ATP8B4: variants seen among roughly 807,000 people sequenced by gnomAD.
ATP8B4 encodes ATPase phospholipid transporting 8B4 (putative), also known as probable phospholipid-transporting ATPase IM.
Under a neutral mutation model 145.6 loss-of-function variants are expected in ATP8B4, and 133 were observed. The observed-to-expected ratio is 0.91, with a 90% CI of 0.79 to 1.05. The LOEUF is 1.05. Among genes scored for constraint, ATP8B4 ranks in the 50% least tolerant of loss-of-function variants. The probability of loss-of-function intolerance (pLI) is 0.00; values close to 1 mark genes in which losing one functional copy is unlikely to be tolerated. For synonymous variants in ATP8B4, 507 were observed against 492.9 expected (o/e 1.03, Z -0.38); for missense variants, 1,458 against 1,425.2 (o/e 1.02, Z -0.37).
intron 2 of ATP8B4, among the ~76,000 whole-genome samples, chr15:50,085,763 T>C (rs2054865677): frequency 6.8e-6 from 1 of 148,008 alleles, no homozygotes; most frequent in Admixed American, 7.0e-5. Flanking sequence ...TGTATATGTA[T>C]ATGCATATGT....
chr15:50,018,785 G>C, intron 6 of ATP8B4: 1 of 542,530 alleles, frequency 1.8e-6, no homozygotes, highest in Non-Finnish European at 2.9e-6. Flanking sequence ...TGTCTTCTCA[G>C]AATCATAATT....
At chr15:49,908,167 G>A in intron 20 of ATP8B4, 2 of 450,242 alleles carry the variant, frequency 4.4e-6, no homozygotes, top group East Asian at 7.0e-5. Context: ...TCCAGGCACT[G>A]TCTCAAAACA....
intron 26 of ATP8B4, among the ~76,000 whole-genome samples, chr15:49,862,607 C>G (rs1185777065): frequency 6.6e-6 from 1 of 152,072 alleles, no homozygotes; most frequent in African/African-American, 2.4e-5. Context: ...CAGGTGCCCG[C>G]CACCACGCCC....
At chr15:50,108,128 C>T (rs1222804842) in intron 1 of ATP8B4, among the ~76,000 whole-genome samples, 2 of 152,032 alleles carry the variant, frequency 1.3e-5, no homozygotes, top group East Asian at 1.9e-4. Flanking sequence ...CCATCAGTAA[C>T]TCCCCTGTTG....
chr15:50,122,612 C>CA (rs2153678103), upstream of ATP8B4, among the ~76,000 whole-genome samples: 1 of 152,284 alleles, frequency 6.6e-6, no homozygotes, highest in South Asian at 2.1e-4. Flanking sequence ...TCCTTGGTGT[C>CA]AGCCTAAACA....
At chr15:49,932,226 AC>A (rs1465918269) in intron 15 of ATP8B4, among the ~76,000 whole-genome samples, 5 of 151,896 alleles carry the variant, frequency 3.3e-5, no homozygotes, top group Admixed American at 2.6e-4. Flanking sequence ...GAAACAAATC[AC>A]CTAAATATCT....
At position 50,047,356 on chromosome 15, in the gene ATP8B4, A is replaced by G. The variant is rs1479876789; in HGVS notation, c.196T>C (p.Leu66=). 12 of 1,548,844 alleles carry G rather than the reference A, an allele frequency of 7.7e-6. 1 individual carries two copies. In the Admixed American group the frequency reaches 2.0e-4, roughly 26 times the overall value. The change falls in exon 4 of 28, where the codon TTA becomes CTA. Residue 66 remains leucine, a synonymous_variant. Transcript: ENST00000284509. ...AAATACAACCTAAATATTACCTGTAAAATCAGAAGGCAAAGAAAATAGGCA... is the reference window on the plus strand; with the variant it reads ...AAATACAACCTAAATATTACCTGTAGAATCAGAAGGCAAAGAAAATAGGCA... ...ANAYFLCLLI[L]QLIPEISSLT...
At chr15:50,072,804 T>C (rs1228284273) in intron 3 of ATP8B4, among the ~76,000 whole-genome samples, 1 of 150,510 alleles carries the variant, frequency 6.6e-6, no homozygotes, top group Non-Finnish European at 1.5e-5. Flanking sequence ...GTATTTTTAA[T>C]AGAGACAGGG....
intron 1 of ATP8B4, among the ~76,000 whole-genome samples, chr15:50,139,370 AG>A (rs2044177168): frequency 2.0e-5 from 3 of 152,068 alleles, no homozygotes; most frequent in South Asian, 4.2e-4. Context: ...CTCACTCATA[AG>A]TGGGAGTTGA....
upstream of ATP8B4, among the ~76,000 whole-genome samples, chr15:50,123,472 G>T (rs544024568): frequency 6.6e-6 from 1 of 152,212 alleles, no homozygotes; most frequent in East Asian, 1.9e-4. Context: ...TATTGCTCCT[G>T]AATGGTTTAC....
At chr15:49,932,985 T>C (rs902928899) in intron 15 of ATP8B4, among the ~76,000 whole-genome samples, 3 of 152,080 alleles carry the variant, frequency 2.0e-5, no homozygotes, top group Non-Finnish European at 4.4e-5. Context: ...GAATTCACAA[T>C]ATCTAGGTGG....
At chr15:50,082,742 G>C (rs928434727) in intron 2 of ATP8B4, among the ~76,000 whole-genome samples, 1 of 152,172 alleles carries the variant, frequency 6.6e-6, no homozygotes, top group African/African-American at 2.4e-5. Context: ...TTATGATAAT[G>C]ATAATAGTAA....
At chr15:50,165,276 C>T (rs1284747368) in intron 1 of ATP8B4, among the ~76,000 whole-genome samples, 1 of 152,150 alleles carries the variant, frequency 6.6e-6, no homozygotes, top group African/African-American at 2.4e-5. Flanking sequence ...TGGTCTCGAA[C>T]TCTTGACCTC....
chr15:50,082,324 C>G (rs573277757), intron 2 of ATP8B4, among the ~76,000 whole-genome samples: 20 of 152,228 alleles, frequency 1.3e-4, no homozygotes, highest in African/African-American at 4.8e-4. Flanking sequence ...TGGTGACCTG[C>G]GGCTTCTGGA....
intron 2 of ATP8B4, among the ~76,000 whole-genome samples, chr15:50,083,754 A>C (rs1380095059): frequency 6.6e-6 from 1 of 152,224 alleles, no homozygotes; most frequent in Non-Finnish European, 1.5e-5. Flanking sequence ...TCTGCATCTC[A>C]GCTCCCTGAA....
At chr15:50,041,747 T>C (rs555765147) in intron 5 of ATP8B4, among the ~76,000 whole-genome samples, 1 of 152,306 alleles carries the variant, frequency 6.6e-6, no homozygotes, top group African/African-American at 2.4e-5. Flanking sequence ...GAGACCATCT[T>C]GGCTAACATG....
At chr15:49,901,886 C>G (rs2038079556) in intron 20 of ATP8B4, 1 of 389,206 alleles carries the variant, frequency 2.6e-6, no homozygotes, top group African/African-American at 2.2e-5. Flanking sequence ...AACTAGACAC[C>G]AAAATATAGA....
intron 5 of ATP8B4, among the ~76,000 whole-genome samples, chr15:50,039,783 C>T (rs1178588322): frequency 6.6e-6 from 1 of 152,040 alleles, no homozygotes; most frequent in Non-Finnish European, 1.5e-5. Context: ...TTCAACCAGC[C>T]CTTTTCCTTT....
intron 1 of ATP8B4, among the ~76,000 whole-genome samples, chr15:50,134,835 GGA>G (rs1244951188): frequency 6.6e-6 from 1 of 152,204 alleles, no homozygotes; most frequent in Non-Finnish European, 1.5e-5. Flanking sequence ...ACAAAAATAA[GGA>G]GAGTGAACGT....
Sources: gnomAD v4.1 joint callset for allele counts (sites outside exome capture counted in the v4.1 genomes callset) on GRCh38, gnomAD v4.1.1 for gene constraint, MANE v1.5 for transcripts, NCBI Gene and HGNC (gene_info 2026-07-23, HGNC 2026-07-21) for gene names.